Variants in ROCK2 observed in about 807,000 individuals in gnomAD.
The protein encoded by ROCK2 is Rho associated coiled-coil containing protein kinase 2.
Under a neutral mutation model 195.1 loss-of-function variants are expected in ROCK2, and 61 were observed. That is an observed-to-expected ratio of 0.31 (90% confidence interval 0.25 to 0.39). ROCK2 has a LOEUF of 0.39. Among genes scored for constraint, ROCK2 ranks in the 10% least tolerant of loss-of-function variants. ROCK2 has a pLI of 1.00. For synonymous variants in ROCK2, 504 were observed against 545.5 expected, an observed-to-expected ratio of 0.92 and a Z score of 1.06; for missense variants, 1,109 against 1,637.4, an observed-to-expected ratio of 0.68 and a Z score of 5.57.
At chr2:11,266,457 C>A (rs1204868619) in intron 3 of ROCK2, among the ~76,000 whole-genome samples, 1 of 152,212 alleles carries the variant, frequency 6.6e-6, no homozygotes, top group Non-Finnish European at 1.5e-5. Flanking sequence ...CATGACTGTA[C>A]TGTGCAATAC....
chr2:11,340,828 A>C (rs1669079761), intron 1 of ROCK2, among the ~76,000 whole-genome samples: 1 of 152,180 alleles, frequency 6.6e-6, no homozygotes, highest in Non-Finnish European at 1.5e-5. Flanking sequence ...CCATCCACAC[A>C]AGTCTTAAGT....
At chr2:11,210,752 G>T (rs1664220760) in intron 18 of ROCK2, among the ~76,000 whole-genome samples, 1 of 152,082 alleles carries the variant, frequency 6.6e-6, no homozygotes, top group African/African-American at 2.4e-5. Context: ...GAAAATAATT[G>T]AACTCTGTCT....
At position 11,197,475 on chromosome 2, in the gene ROCK2, T is replaced by A. The variant is rs749601598; in HGVS notation, c.3279+51A>T. The stretch of plus-strand genomic sequence containing the variant: ...AGTAAAACACAGACATGAAAATAAT[T>A]CTACTTCTTAAAAAGAAGTCTTCAG... On this transcript the variant is annotated intron_variant, in intron 26 of 32. Transcript: ENST00000315872. This position sits in a 1 kb window ranked among gnomAD's most constrained non-coding sequence, Gnocchi z 4.9. 9.6e-6 allele frequency: 15 copies of A among 1,557,360 alleles called. No individual in the cohort carries two copies. In the South Asian group the frequency reaches 1.7e-4, roughly 17 times the overall value.
chr2:11,260,265 T>C (rs1234623384), intron 3 of ROCK2, among the ~76,000 whole-genome samples: 1 of 147,326 alleles, frequency 6.8e-6, no homozygotes, highest in Admixed American at 6.6e-5. Context: ...GTGGCCAACA[T>C]GGCGAAACCC....
At chr2:11,257,313 G>A (rs868184618) in intron 3 of ROCK2, among the ~76,000 whole-genome samples, 1 of 151,342 alleles carries the variant, frequency 6.6e-6, no homozygotes, top group Non-Finnish European at 1.5e-5. Context: ...GCGGGCGACG[G>A]CAGAGGCGGT....
chr2:11,259,603 A>C (rs1666153354), intron 3 of ROCK2, among the ~76,000 whole-genome samples: 2 of 151,310 alleles, frequency 1.3e-5, no homozygotes, highest in South Asian at 4.1e-4. Flanking sequence ...GTTAGGTCTA[A>C]ATAAGTTTAT....
chr2:11,263,604 T>TAAA (rs11376539), intron 3 of ROCK2, among the ~76,000 whole-genome samples: 1 of 140,566 alleles, frequency 7.1e-6, no homozygotes, highest in African/African-American at 2.7e-5. Context: ...TTTACATTAT[T>TAAA]AAAAAAAAAA....
chr2:11,186,188 G>T (rs1237906551), intron 32 of ROCK2, among the ~76,000 whole-genome samples: 1 of 152,142 alleles, frequency 6.6e-6, no homozygotes, highest in African/African-American at 2.4e-5. Context: ...ATTACTCACT[G>T]AACACATATC....
intron 5 of ROCK2, among the ~76,000 whole-genome samples, chr2:11,232,739 G>A (rs1665064240): frequency 6.6e-6 from 1 of 151,958 alleles, no homozygotes; most frequent in Non-Finnish European, 1.5e-5. Flanking sequence ...GGCATAGATG[G>A]GTAACACAAT....
chr2:11,321,421 C>T (rs1668396237), intron 1 of ROCK2, among the ~76,000 whole-genome samples: 2 of 151,436 alleles, frequency 1.3e-5, no homozygotes, highest in South Asian at 2.1e-4. Flanking sequence ...AGTGATCCAT[C>T]CGCCTCAGCC....
intron 4 of ROCK2, among the ~76,000 whole-genome samples, chr2:11,248,883 G>T (rs1314517218): frequency 1.3e-5 from 2 of 151,904 alleles, no homozygotes; most frequent in South Asian, 2.1e-4. Context: ...AAGATAGGCT[G>T]ATTAATGTAA....
At chr2:11,238,055 G>A (rs1665276639) in intron 4 of ROCK2, among the ~76,000 whole-genome samples, 2 of 152,232 alleles carry the variant, frequency 1.3e-5, no homozygotes, top group East Asian at 1.9e-4. Flanking sequence ...TCCAGGCTGG[G>A]CGACAGAGTG....
intron 1 of ROCK2, among the ~76,000 whole-genome samples, chr2:11,303,508 ACAC>A (rs1430633003): frequency 2.0e-5 from 3 of 152,048 alleles, no homozygotes; most frequent in African/African-American, 4.8e-5. Flanking sequence ...TTGCTCATTA[ACAC>A]CACAACAGCA....
intron 1 of ROCK2, among the ~76,000 whole-genome samples, 177 bp from the exon 2 acceptor site, chr2:11,287,913 G>A (rs1558362093): frequency 6.6e-6 from 1 of 152,146 alleles, no homozygotes; most frequent in Non-Finnish European, 1.5e-5. Context: ...ACCTCTGTCA[G>A]AGAATATTAG....
intron 1 of ROCK2, among the ~76,000 whole-genome samples, chr2:11,331,693 A>C (rs1250216855): frequency 1.3e-5 from 2 of 152,004 alleles, no homozygotes; most frequent in African/African-American, 2.4e-5. Flanking sequence ...TTGGGAGGCC[A>C]AGGCGGGTGG....
At chr2:11,284,641 T>G (rs987190892) in intron 3 of ROCK2, among the ~76,000 whole-genome samples, 3 of 152,206 alleles carry the variant, frequency 2.0e-5, no homozygotes, top group Admixed American at 2.0e-4. Context: ...GTCCATCAAT[T>G]TCTATCAATT....
chr2:11,227,100 G>A (rs1007159969), intron 6 of ROCK2, among the ~76,000 whole-genome samples, 154 bp downstream of exon 6: 1 of 151,858 alleles, frequency 6.6e-6, no homozygotes, highest in Non-Finnish European at 1.5e-5. Context: ...CCAATTAACA[G>A]TCTGCCCTAT....
In ROCK2 at chr2:11,201,419, T is replaced by C. The variant is rs145334990; in HGVS notation, c.2620-6A>G. The C allele has an allele frequency of 6.1e-4, 888 of 1,453,664 alleles. 4 individuals are homozygous for C. The African/African-American group carries it at 9.8e-3, about 16-fold the overall frequency. The allele number at this position is 1,453,664 out of a possible 1,614,324, so 90.0% of individuals were successfully genotyped here. On this transcript the variant is annotated splice_region_variant and splice_polypyrimidine_tract_variant and intron_variant, in intron 21 of 32. Transcript: ENST00000315872. The surrounding 1 kb of genome is among the most constrained non-coding windows in gnomAD (Gnocchi z 4.6). ...ACTTGTGTTTTATAAAGGGTCTAAA[T>C]AGCAAAATACAACAGAAATGCGTAT...
chr2:11,274,887 A>G (rs1666769379), intron 3 of ROCK2, among the ~76,000 whole-genome samples: 1 of 152,194 alleles, frequency 6.6e-6, no homozygotes, highest in African/African-American at 2.4e-5. Flanking sequence ...TCCTATATAT[A>G]TATTATGTTT....
Sources: gnomAD v4.1 joint callset for allele counts (sites outside exome capture counted in the v4.1 genomes callset) on GRCh38, gnomAD v4.1.1 for gene constraint, Gnocchi (gnomAD v3.1) non-coding constraint, MANE v1.5 for transcripts, NCBI Gene and HGNC (gene_info 2026-07-23, HGNC 2026-07-21) for gene names.